Variants in SLC6A19 observed in about 807,000 individuals in gnomAD.
SLC6A19 encodes the protein solute carrier family 6 member 19.
A neutral mutation model predicts 68.3 loss-of-function variants in SLC6A19; 67 were observed. That is an observed-to-expected ratio of 0.98 (90% CI 0.81 to 1.20). The LOEUF (loss-of-function observed/expected upper bound fraction) is 1.20. SLC6A19 is among the 50% of genes most tolerant of loss of function. The pLI is 0.00. For missense variants in SLC6A19, 813 were observed against 851.6 expected, an observed-to-expected ratio of 0.95 and a Z score of 0.56; for synonymous variants, 392 against 374.9, an observed-to-expected ratio of 1.05 and a Z score of -0.53.
At position 1,221,784 on chromosome 5, in the gene SLC6A19, C is replaced by T; in HGVS notation, c.1785C>T (p.Leu595=). Residue 595 remains leucine, a synonymous_variant, in exon 12 of 12, where the codon CTC becomes CTT. Transcript: ENST00000304460. Reference sequence around the variant, plus strand: ...TGATTGTGGCTGGAGTGCCCTCCCTCACCATCCCTGGCTATGCCATCTACA... The same window carrying T: ...TGATTGTGGCTGGAGTGCCCTCCCTTACCATCCCTGGCTATGCCATCTACA... ...VVVIVAGVPS[L]TIPGYAIYKL... is the part of the protein sequence containing the mutation. The T allele has an allele frequency of 6.2e-7, 1 of 1,614,212 alleles. No individual in the cohort carries two copies. Among genetic ancestry groups the T allele is most frequent in the Non-Finnish European group, 8.5e-7 (1 of 1,180,018 alleles).
In SLC6A19 at chr5:1,216,834, C is replaced by A. The variant is rs769791520; in HGVS notation, c.1062C>A (p.Asn354Lys). Reference sequence around the variant, plus strand: ...ACGGGTTCGACCTGCCTGAAGGCAACGTGACCCAGGAGAACTTTGTGGACA... The same window carrying A: ...ACGGGTTCGACCTGCCTGAAGGCAAAGTGACCCAGGAGAACTTTGTGGACA... ...LINGFDLPEG[N>K]VTQENFVDMQ... is the part of the protein sequence containing the mutation. Residue 354 changes from asparagine to lysine, a missense_variant, in exon 8 of 12, where the codon AAC becomes AAA. By Grantham distance (94) the Asn-to-Lys change is moderately conservative. Coordinates refer to ENST00000304460, the MANE Select transcript of SLC6A19 (RefSeq NM_001003841.3). 1.2e-6 allele frequency: 2 copies of A among 1,613,800 alleles called. No individual in the cohort carries two copies. Among genetic ancestry groups the A allele is most frequent in the South Asian group, 1.1e-5 (1 of 91,090 alleles).
At chr5:1,213,410 G>T (rs1180957937) in intron 4 of SLC6A19, 53 bp from the exon 5 acceptor site, 1 of 257,690 alleles carries the variant, frequency 3.9e-6, no homozygotes, top group Admixed American at 5.6e-5. Flanking sequence ...CGCCCCCACC[G>T]CATGCCTGGC....
At chr5:1,202,439 C>G (rs1483716922) in intron 1 of SLC6A19, among the ~76,000 whole-genome samples, 1 of 152,176 alleles carries the variant, frequency 6.6e-6, no homozygotes, top group Non-Finnish European at 1.5e-5. Flanking sequence ...GCTCCTGCGG[C>G]CCAGGTAGGC....
chr5:1,218,818 C>A, intron 8 of SLC6A19, 85 bp from the exon 9 acceptor site: 2 of 1,448,928 alleles, frequency 1.4e-6, no homozygotes, highest in South Asian at 1.2e-5. Context: ...TGCTGCGTGG[C>A]TTGGCGACGC....
chr5:1,213,476 C>T lies in SLC6A19; in HGVS notation c.677C>T (p.Thr226Ile). 6.3e-7 allele frequency: 1 copy of T among 1,591,578 alleles called. No individual in the cohort carries two copies. The highest frequency in any genetic ancestry group is 1.1e-5 in the South Asian group (1 of 90,384). The change falls in exon 5 of 12, where the codon ACC becomes ATC. Residue 226 changes from threonine to isoleucine, a missense_variant. Transcript: ENST00000304460. ...IETTGKAVYITSTLPYVVLTI... is the reference protein window; with the variant it reads ...IETTGKAVYIISTLPYVVLTI... ...CGCCCTCCGCAGGCCGTGTACATCA[C>T]CTCCACGCTGCCCTATGTCGTCCTG...
chr5:1,224,312 A>G lies in SLC6A19; in HGVS notation c.*2408A>G, dbSNP rs1223732158. On this transcript the variant is annotated 3_prime_UTR_variant, in exon 12 of 12. Transcript: ENST00000304460. ...TTCATAGGTTTCAATGTCTCTGTAAATGTGGTAGAAATGCAGGCTTTATGG... is the reference window on the plus strand; with the variant it reads ...TTCATAGGTTTCAATGTCTCTGTAAGTGTGGTAGAAATGCAGGCTTTATGG... 1 of 152,220 alleles carries G rather than the reference A, an allele frequency of 6.6e-6. No individual in the cohort carries two copies. The highest frequency in any genetic ancestry group is 1.5e-5 in the Non-Finnish European group (1 of 68,040). The allele number at this position is 152,220 out of a possible 1,614,324, so 9.4% of individuals were successfully genotyped here.
Position 1,201,729 on chromosome 5 carries a change from G to C in SLC6A19, c.79G>C (p.Glu27Gln), listed in dbSNP as rs150662417. Residue 27 changes from glutamate (E) to glutamine (Q), a missense_variant, in exon 1 of 12, where the codon GAG becomes CAG. Coordinates refer to ENST00000304460, the MANE Select transcript of SLC6A19 (RefSeq NM_001003841.3). ...GGCTGAGCTGGAGACCATCGAGCAGGAGGAGGCCAGCTCCCGGCCGAAGTG... is the reference window on the plus strand; with the variant it reads ...GGCTGAGCTGGAGACCATCGAGCAGCAGGAGGCCAGCTCCCGGCCGAAGTG... ...SLAELETIEQ[E>Q]EASSRPKWDN... is the part of the protein sequence containing the mutation. The C allele has an allele frequency of 1.9e-6, 3 of 1,612,458 alleles. No homozygotes were observed. The African/African-American group carries it at 4.0e-5, about 22-fold the overall frequency.
In SLC6A19 at chr5:1,216,956, T is replaced by C. The variant is rs1479287891; in HGVS notation, c.1173+11T>C. 1 of 1,611,942 alleles carries C rather than the reference T, an allele frequency of 6.2e-7. No homozygotes were observed. On this transcript the variant is annotated intron_variant, in intron 8 of 11. Transcript: ENST00000304460. ...GCCTTCCTCTCAGAGGTAGGTCCAT[T>C]CCGGAGCTCGAGGCAGGGAGAGGGC...
At chr5:1,211,188 G>T (rs957033793) in intron 3 of SLC6A19, among the ~76,000 whole-genome samples, 1 of 152,256 alleles carries the variant, frequency 6.6e-6, no homozygotes, top group Non-Finnish European at 1.5e-5. Context: ...CTCTGTCGGG[G>T]CCGGCAAGAT....
At chr5:1,206,239 TTCTC>T (rs543532535) in intron 1 of SLC6A19, among the ~76,000 whole-genome samples, 10 of 151,462 alleles carry the variant, frequency 6.6e-5, no homozygotes, top group African/African-American at 2.2e-4. Flanking sequence ...CCCTCCCTCC[TTCTC>T]TCTCTCTCTC....
intron 11 of SLC6A19, 114 bp downstream of exon 11, chr5:1,221,427 G>C: frequency 1.5e-6 from 2 of 1,330,806 alleles, no homozygotes; most frequent in Non-Finnish European, 2.1e-6. Context: ...ACACACATGG[G>C]CACACACACT....
chr5:1,219,360 G>T, intron 9 of SLC6A19, 145 bp from the exon 10 acceptor site: 1 of 1,272,602 alleles, frequency 7.9e-7, no homozygotes, highest in Non-Finnish European at 1.1e-6. Flanking sequence ...GAGCAGCTCT[G>T]TCCCCGGCAG....
chr5:1,211,856 C>T (rs890906445), intron 3 of SLC6A19, among the ~76,000 whole-genome samples: 1 of 133,426 alleles, frequency 7.5e-6, no homozygotes, highest in African/African-American at 2.9e-5. Context: ...TGTGCAGGTG[C>T]ATGGACCAGA....
intron 3 of SLC6A19, among the ~76,000 whole-genome samples, chr5:1,211,733 TGA>T (rs1319878695): frequency 2.0e-5 from 3 of 147,236 alleles, no homozygotes; most frequent in African/African-American, 7.6e-5. Flanking sequence ...GATATGCACG[TGA>T]GAGTACAGTC....
At position 1,209,381 on chromosome 5, in the gene SLC6A19, CG is replaced by C. The variant is rs1745955597; in HGVS notation, c.343+497del. 6.6e-6 allele frequency among the ~76,000 whole-genome samples: 1 copy of C among 152,102 alleles called. No homozygotes were observed. The highest frequency in any genetic ancestry group is 2.4e-5 in the African/African-American group (1 of 41,426). On this transcript the variant is annotated intron_variant, in intron 2 of 11. Transcript: ENST00000304460. This position sits in a 1 kb window ranked among gnomAD's most constrained non-coding sequence, Gnocchi z 5.5. ...ATTAAGCCCTCAGAATATGGGCAGA[CG>C]GTGAAAGACGGAGGAGGAAAGGGCA...
intron 1 of SLC6A19, among the ~76,000 whole-genome samples, chr5:1,202,891 G>C (rs111467273): frequency 6.6e-6 from 1 of 152,164 alleles, no homozygotes; most frequent in South Asian, 2.1e-4. Flanking sequence ...GCGGGGGTGG[G>C]CGCTTCATGA....
At chr5:1,206,294 TTCTGTCTGTGTGTGTGTCTCTC>T (rs927554288) in intron 1 of SLC6A19, among the ~76,000 whole-genome samples, 5 of 139,628 alleles carry the variant, frequency 3.6e-5, no homozygotes, top group African/African-American at 6.7e-5. Context: ...CTCTCTCTGT[TTCTGTCTGTGTGTGTGTCTCTC>T]TGTCTCTTTT....
rs916249649 is a variant in SLC6A19, at chr5:1,209,780, C to G, written c.344-664C>G. On this transcript the variant is annotated intron_variant, in intron 2 of 11. Coordinates refer to ENST00000304460, the MANE Select transcript of SLC6A19 (RefSeq NM_001003841.3). This position sits in a 1 kb window ranked among gnomAD's most constrained non-coding sequence, Gnocchi z 5.5. Reference sequence around the variant, plus strand: ...TTCCCTCTTCTCTCTCTTCCCCTATCTCCGTCTCTCCCCCTGTCTCTCTTC... The same window carrying G: ...TTCCCTCTTCTCTCTCTTCCCCTATGTCCGTCTCTCCCCCTGTCTCTCTTC... Among the ~76,000 whole-genome samples, 8 of 151,888 alleles carry G rather than the reference C, an allele frequency of 5.3e-5. No individual in the cohort carries two copies. Among genetic ancestry groups the G allele is most frequent in the African/African-American group, 1.9e-4 (8 of 41,320 alleles).
rs368423756 is a variant in SLC6A19 at position 1,213,537 on chromosome 5, C to T, written c.738C>T (p.Gly246=). Residue 246 remains glycine (G), a synonymous_variant, in exon 5 of 12, where the codon GGC becomes GGT. Coordinates refer to ENST00000304460, the MANE Select transcript of SLC6A19 (RefSeq NM_001003841.3). ...IFLIRGLTLK[G]ATNGIVFLFT... is the part of the protein sequence containing the mutation. ...TCATCCGAGGCCTGACGCTGAAGGGCGCCACCAATGGCATCGTCTTCCTCT... is the reference window on the plus strand; with the variant it reads ...TCATCCGAGGCCTGACGCTGAAGGGTGCCACCAATGGCATCGTCTTCCTCT... 94 of 1,611,338 alleles carry T rather than the reference C, an allele frequency of 5.8e-5. No homozygotes were observed. Among genetic ancestry groups the T allele is most frequent in the Admixed American group, 2.5e-4 (15 of 59,848 alleles).
Sources: gnomAD v4.1 joint callset for allele counts (sites outside exome capture counted in the v4.1 genomes callset) on GRCh38, gnomAD v4.1.1 for gene constraint, Gnocchi (gnomAD v3.1) non-coding constraint, MANE v1.5 for transcripts, NCBI Gene and HGNC (gene_info 2026-07-23, HGNC 2026-07-21) for gene names.